Variants in DKK2 observed in about 807,000 individuals in gnomAD.
The protein encoded by DKK2 is dickkopf-related protein 2.
A neutral mutation model predicts 28.1 loss-of-function variants in DKK2; 11 were observed. The observed-to-expected ratio is 0.39, with a 90% CI of 0.25 to 0.65. The LOEUF (loss-of-function observed/expected upper bound fraction) is 0.65. DKK2 is among the 30% of genes least tolerant of loss of function. DKK2 has a pLI of 0.47. For missense variants in DKK2, 326 were observed against 335.5 expected, an observed-to-expected ratio of 0.97 and a Z score of 0.22; for synonymous variants, 135 against 126.5, an observed-to-expected ratio of 1.07 and a Z score of -0.45.
intron 1 of DKK2, among the ~76,000 whole-genome samples, chr4:106,935,828 A>T (rs1724577806): frequency 6.6e-6 from 1 of 152,204 alleles, no homozygotes. Context: ...GAGCAGCCTA[A>T]CTGGGAGGCA....
At chr4:107,032,535 C>A (rs1191706086) in intron 1 of DKK2, among the ~76,000 whole-genome samples, 1 of 152,050 alleles carries the variant, frequency 6.6e-6, no homozygotes, top group African/African-American at 2.4e-5. Context: ...TCAAGAATTT[C>A]TTCTGCAGTG....
intron 1 of DKK2, among the ~76,000 whole-genome samples, chr4:106,944,570 G>A (rs1007559634): frequency 3.3e-5 from 5 of 151,960 alleles, no homozygotes; most frequent in Admixed American, 6.6e-5. Context: ...CATAAGCTTG[G>A]TTCACATGTG....
intron 1 of DKK2, among the ~76,000 whole-genome samples, chr4:107,016,475 C>A (rs1723606938): frequency 6.6e-6 from 1 of 151,868 alleles, no homozygotes; most frequent in South Asian, 2.1e-4. Flanking sequence ...AGATATTTCT[C>A]ATGTTTGCAT....
At chr4:106,998,538 A>G (rs1024237887) in intron 1 of DKK2, among the ~76,000 whole-genome samples, 2 of 152,182 alleles carry the variant, frequency 1.3e-5, no homozygotes, top group Non-Finnish European at 2.9e-5. Flanking sequence ...GTCAATAAAG[A>G]ATAGTGATTT....
chr4:106,995,305 G>A (rs7666166), intron 1 of DKK2, among the ~76,000 whole-genome samples: 10 of 151,848 alleles, frequency 6.6e-5, no homozygotes, highest in Non-Finnish European at 1.5e-4. Context: ...TTTCCTACAC[G>A]ACTTTCTATA....
At chr4:106,986,767 A>G (rs72666032) in intron 1 of DKK2, among the ~76,000 whole-genome samples, 3,644 of 152,234 alleles carry the variant, frequency 0.024, 71 homozygotes, top group Non-Finnish European at 0.036. Context: ...TTCTAAAACC[A>G]TCATTAACAA....
chr4:107,035,629 G>T lies in DKK2; in HGVS notation c.-38C>A. The T allele has an allele frequency of 1.9e-6, 3 of 1,607,154 alleles. No individual in the cohort carries two copies. Among genetic ancestry groups the T allele is most frequent in the Non-Finnish European group, 2.5e-6 (3 of 1,177,360 alleles). On this transcript the variant is annotated 5_prime_UTR_variant, in exon 1 of 4. Transcript: ENST00000285311. ...GGGTCCCCAGGAAGACGCAAAGCCC[G>T]GAGGGGTGGGAATGCAAAGGGAGGG...
intron 1 of DKK2, among the ~76,000 whole-genome samples, chr4:107,013,996 C>T (rs766479079): frequency 2.0e-5 from 3 of 151,402 alleles, no homozygotes; most frequent in Middle Eastern, 3.4e-3. Context: ...TAACAAATAC[C>T]GGCAAGGATG....
chr4:106,982,871 C>T, intron 1 of DKK2, among the ~76,000 whole-genome samples: 1 of 100,854 alleles, frequency 9.9e-6, no homozygotes, highest in Middle Eastern at 6.1e-3. Context: ...GACTCCATCT[C>T]AAAAAAAAAA....
intron 1 of DKK2, among the ~76,000 whole-genome samples, chr4:106,938,740 G>C (rs1308991259): frequency 1.3e-5 from 2 of 151,998 alleles, no homozygotes; most frequent in African/African-American, 2.4e-5. Context: ...GAATCCAGCA[G>C]CACATCAAAA....
At chr4:106,976,878 G>GT (rs1020881974) in intron 1 of DKK2, among the ~76,000 whole-genome samples, 1 of 152,044 alleles carries the variant, frequency 6.6e-6, no homozygotes, top group Non-Finnish European at 1.5e-5. Context: ...GGCTTGTACT[G>GT]TTTTTTCTAT....
chr4:106,997,325 A>G (rs1723286768), intron 1 of DKK2, among the ~76,000 whole-genome samples: 1 of 152,164 alleles, frequency 6.6e-6, no homozygotes, highest in South Asian at 2.1e-4. Flanking sequence ...ATAAAATATT[A>G]CTCCATGTCA....
intron 1 of DKK2, among the ~76,000 whole-genome samples, chr4:107,008,259 T>C (rs1723465384): frequency 6.6e-6 from 1 of 152,140 alleles, no homozygotes; most frequent in Admixed American, 6.5e-5. Flanking sequence ...CTATTCTGTG[T>C]TTGTTATCAT....
intron 1 of DKK2, among the ~76,000 whole-genome samples, chr4:106,950,137 G>A (rs560989890): frequency 2.6e-5 from 4 of 152,098 alleles, no homozygotes; most frequent in Admixed American, 2.6e-4. Flanking sequence ...AGGTAAGGAA[G>A]GATTTCTTTA....
rs1203631245 is a variant in DKK2 at position 106,921,850 on chromosome 4, T to C, written c.*2104A>G. 2.6e-5 allele frequency: 4 copies of C among 152,538 alleles called. No individual in the cohort carries two copies. The highest frequency in any genetic ancestry group is 5.9e-5 in the Non-Finnish European group (4 of 68,002). The allele number at this position is 152,538 out of a possible 1,614,324, so 9.4% of individuals were successfully genotyped here. On this transcript the variant is annotated 3_prime_UTR_variant, in exon 4 of 4. Coordinates refer to ENST00000285311, the MANE Select transcript of DKK2 (RefSeq NM_014421.3). The stretch of plus-strand genomic sequence containing the variant: ...TTAATAGATTTTATCTTATTATACA[T>C]TTTTCCTAAATTACAAAGTCAATAG...
At chr4:106,974,036 G>T (rs1722906801) in intron 1 of DKK2, among the ~76,000 whole-genome samples, 1 of 152,118 alleles carries the variant, frequency 6.6e-6, no homozygotes, top group Admixed American at 6.6e-5. Flanking sequence ...TCAAAGATCA[G>T]ATGGTCATTG....
intron 1 of DKK2, among the ~76,000 whole-genome samples, chr4:107,001,029 T>G (rs773954751): frequency 6.6e-6 from 1 of 151,426 alleles, no homozygotes; most frequent in African/African-American, 2.4e-5. Context: ...CACCATAACA[T>G]GTGGATAGGG....
intron 1 of DKK2, among the ~76,000 whole-genome samples, chr4:106,964,051 G>A (rs1722731290): frequency 6.6e-6 from 1 of 152,104 alleles, no homozygotes; most frequent in African/African-American, 2.4e-5. Context: ...CCAGCACCAT[G>A]CTTTTTGGTT....
At chr4:106,978,484 T>C (rs1722976116) in intron 1 of DKK2, among the ~76,000 whole-genome samples, 1 of 152,142 alleles carries the variant, frequency 6.6e-6, no homozygotes, top group South Asian at 2.1e-4. Flanking sequence ...AGCAGCTTTG[T>C]GGAGCTGCGG....
Sources: allele counts gnomAD v4.1 joint callset (sites outside exome capture counted in the v4.1 genomes callset), GRCh38; gene constraint gnomAD v4.1.1; transcripts MANE v1.5; gene names NCBI Gene and HGNC (gene_info 2026-07-23, HGNC 2026-07-21).